CNTLN: variants seen among roughly 807,000 people sequenced by gnomAD.
CNTLN encodes the protein centlein.
A neutral mutation model predicts 180.0 loss-of-function variants in CNTLN; 212 were observed. That is an observed-to-expected ratio of 1.18 (90% confidence interval 1.05 to 1.32). The LOEUF is 1.32. Among genes scored for constraint, CNTLN ranks in the 40% most tolerant of loss-of-function variants. CNTLN has a pLI of 0.00. For synonymous variants in CNTLN, 722 were observed against 563.1 expected (o/e 1.28, Z -3.99); for missense variants, 2,095 against 1,610.9 (o/e 1.30, Z -5.14).
chr9:17,372,161 C>T (rs115105883), intron 13 of CNTLN, among the ~76,000 whole-genome samples: 2,626 of 152,020 alleles, frequency 0.017, 91 homozygotes, highest in African/African-American at 0.06. Flanking sequence ...ATGAAAAAAT[C>T]ATTAAAACAA....
At position 17,394,943 on chromosome 9, in the gene CNTLN, T is replaced by A. The variant is rs1419239204; in HGVS notation, c.2489T>A (p.Phe830Tyr). ...AAGACAACTATGACCAAGGTTAAAT[T>A]TAAAGCTGCGAAGAAAAATTGCTCT... ...DCKTTMTKVKFKAAKKNCSVG... is the reference protein window; with the variant it reads ...DCKTTMTKVKYKAAKKNCSVG... Residue 830 changes from phenylalanine to tyrosine, a missense_variant, in exon 15 of 26, where the codon TTT (phenylalanine) becomes TAT (tyrosine). Phe to Tyr is a conservative substitution (Grantham distance 22). Coordinates refer to ENST00000380647, the MANE Select transcript of CNTLN (RefSeq NM_017738.4). The A allele has an allele frequency of 6.2e-7, 1 of 1,614,040 alleles. No individual in the cohort carries two copies. Among genetic ancestry groups the A allele is most frequent in the Admixed American group, 1.7e-5 (1 of 60,008 alleles).
At chr9:17,363,085 A>G (rs1197653948) in intron 12 of CNTLN, among the ~76,000 whole-genome samples, 1 of 152,180 alleles carries the variant, frequency 6.6e-6, no homozygotes, top group Non-Finnish European at 1.5e-5. Flanking sequence ...TTATGGCTGC[A>G]TAGTATTCCA....
Position 17,330,779 on chromosome 9 carries a change from A to G in CNTLN, c.1489A>G (p.Ile497Val), listed in dbSNP as rs754508344. 1 of 1,609,356 alleles carries G rather than the reference A, an allele frequency of 6.2e-7. No individual in the cohort carries two copies. The highest frequency in any genetic ancestry group is 8.5e-7 in the Non-Finnish European group (1 of 1,177,668). ...SANKGFSRKS[I>V]MTSAEGKHKE... ...CAACAAGGGTTTCTCCCGAAAGAGC[A>G]TCATGACAAGTGCTGAAGGAAAACA... Residue 497 changes from isoleucine (I) to valine (V), a missense_variant, in exon 9 of 26, where the codon ATC becomes GTC. Coordinates refer to ENST00000380647, the MANE Select transcript of CNTLN (RefSeq NM_017738.4).
intron 12 of CNTLN, among the ~76,000 whole-genome samples, chr9:17,350,753 GC>G (rs898035199): frequency 1.3e-5 from 2 of 151,970 alleles, no homozygotes; most frequent in Non-Finnish European, 2.9e-5. Context: ...ATCTTAAAAA[GC>G]CACTCAGTCC....
At chr9:17,190,491 A>C (rs75180282) in intron 2 of CNTLN, among the ~76,000 whole-genome samples, 3,503 of 152,174 alleles carry the variant, frequency 0.023, 136 homozygotes, top group African/African-American at 0.079. Flanking sequence ...ATGGCTATTA[A>C]AATTTTTCAT....
chr9:17,166,124 A>G (rs189904362), intron 2 of CNTLN, among the ~76,000 whole-genome samples: 1 of 152,346 alleles, frequency 6.6e-6, no homozygotes, highest in Non-Finnish European at 1.5e-5. Flanking sequence ...TATGCTGAAT[A>G]AAACAAAGGA....
intron 12 of CNTLN, among the ~76,000 whole-genome samples, chr9:17,353,437 G>C (rs1021564485): frequency 6.6e-6 from 1 of 151,674 alleles, no homozygotes; most frequent in Non-Finnish European, 1.5e-5. Flanking sequence ...AAAATTGTGG[G>C]TTTTGATTTG....
At chr9:17,219,005 C>T (rs1438970724) in intron 2 of CNTLN, among the ~76,000 whole-genome samples, 4 of 152,134 alleles carry the variant, frequency 2.6e-5, no homozygotes, top group Admixed American at 6.6e-5. Flanking sequence ...CGTGGTAATT[C>T]ATGTGGCTAA....
chr9:17,256,136 A>G (rs1178478221), intron 5 of CNTLN, among the ~76,000 whole-genome samples: 1 of 151,852 alleles, frequency 6.6e-6, no homozygotes, highest in Non-Finnish European at 1.5e-5. Context: ...TATGTATTAT[A>G]TTTTATTTAT....
chr9:17,301,477 G>GT (rs1818347489), intron 7 of CNTLN: 9 of 985,112 alleles, frequency 9.1e-6, no homozygotes, highest in Non-Finnish European at 1.1e-5. Context: ...TGTTTAGTCT[G>GT]TTTTTTGTCA....
intron 5 of CNTLN, among the ~76,000 whole-genome samples, chr9:17,267,708 TCC>T (rs1827590224): frequency 6.6e-6 from 1 of 152,192 alleles, no homozygotes; most frequent in Non-Finnish European, 1.5e-5. Flanking sequence ...TTTCACATAG[TCC>T]CATATTTCTT....
chr9:17,262,221 C>G (rs1296226159), intron 5 of CNTLN, among the ~76,000 whole-genome samples: 2 of 151,488 alleles, frequency 1.3e-5, no homozygotes, highest in African/African-American at 4.9e-5. Context: ...AATACCGTTA[C>G]TGGGTATATA....
At chr9:17,513,602 C>T in the CNTLN span, among the ~76,000 whole-genome samples, 23 of 152,060 alleles carry the variant, frequency 1.5e-4, no homozygotes, top group Non-Finnish European at 1.5e-5. Flanking sequence ...GAGGTTGAAG[C>T]GGGAGGATAG....
chr9:17,403,053 T>C (rs929930891), intron 15 of CNTLN, among the ~76,000 whole-genome samples: 14 of 151,784 alleles, frequency 9.2e-5, no homozygotes, highest in African/African-American at 3.4e-4. Context: ...TTTTTCAGTA[T>C]ATCAAAAACT....
downstream of CNTLN, among the ~76,000 whole-genome samples, chr9:17,504,490 A>T (rs1022437045): frequency 6.6e-6 from 1 of 152,182 alleles, no homozygotes; most frequent in Non-Finnish European, 1.5e-5. Context: ...GCCCCTGAAG[A>T]TGTTCACTCC....
chr9:17,325,801 T>G (rs1019651793), intron 8 of CNTLN, among the ~76,000 whole-genome samples: 1 of 152,062 alleles, frequency 6.6e-6, no homozygotes, highest in African/African-American at 2.4e-5. Context: ...TGCTAAATGC[T>G]AATTATTATC....
At chr9:17,429,003 T>G (rs927113242) in intron 18 of CNTLN, among the ~76,000 whole-genome samples, 19 of 152,042 alleles carry the variant, frequency 1.2e-4, no homozygotes, top group African/African-American at 4.6e-4. Flanking sequence ...TGAGTTATTT[T>G]TATAGATTCT....
Position 17,338,337 on chromosome 9 carries a change from G to GTTTT in CNTLN, c.1645-2475_1645-2472dup, listed in dbSNP as rs71331486. Among the ~76,000 whole-genome samples the GTTTT allele has an allele frequency of 1.6e-4, 16 of 100,432 alleles. 1 individual carries two copies. Among genetic ancestry groups the GTTTT allele is most frequent in the South Asian group, 3.3e-4 (1 of 3,048 alleles). 65.9% of individuals were successfully genotyped at this position (100,432 alleles called of 152,430 possible). ...CTGCTATCACTCCTGGCTAATTTTT[G>GTTTT]TTTTTTTTTTTTTTTTTTAGAGATG... On this transcript the variant is annotated intron_variant, in intron 10 of 25. Transcript: ENST00000380647.
At chr9:17,158,862 T>C (rs1819482197) in intron 2 of CNTLN, among the ~76,000 whole-genome samples, 1 of 152,040 alleles carries the variant, frequency 6.6e-6, no homozygotes, top group Admixed American at 6.6e-5. Context: ...TTCTCTATTG[T>C]ATTAATTTCT....
Sources: allele counts gnomAD v4.1 joint callset (sites outside exome capture counted in the v4.1 genomes callset), GRCh38; gene constraint gnomAD v4.1.1; transcripts MANE v1.5; gene names NCBI Gene and HGNC (gene_info 2026-07-23, HGNC 2026-07-21).